Variants in CLIC5 observed in about 807,000 individuals in gnomAD.
CLIC5 encodes chloride intracellular channel protein 5.
CLIC5 carries 20 observed loss-of-function variants against 24.7 expected under a neutral mutation model. The observed-to-expected ratio is 0.81, with a 90% CI of 0.57 to 1.18. The LOEUF (loss-of-function observed/expected upper bound fraction) is 1.18, where lower values mean the gene tolerates loss of function less well. Among genes scored for constraint, CLIC5 ranks in the 50% most tolerant of loss-of-function variants. The pLI, the probability that CLIC5 is intolerant of heterozygous loss-of-function variation, is 0.00. For synonymous variants in CLIC5, 159 were observed against 135.6 expected (o/e 1.17, Z -1.20); for missense variants, 341 against 326.1 (o/e 1.05, Z -0.35).
intron 1 of CLIC5, among the ~76,000 whole-genome samples, chr6:45,979,154 T>C (rs1248328607): frequency 6.6e-6 from 1 of 152,166 alleles, no homozygotes; most frequent in Non-Finnish European, 1.5e-5. Flanking sequence ...CTCTGAGCTT[T>C]GTTTTCCTTA....
At chr6:46,094,014 C>A in the CLIC5 span, among the ~76,000 whole-genome samples, 1 of 152,184 alleles carries the variant, frequency 6.6e-6, no homozygotes, top group African/African-American at 2.4e-5. Flanking sequence ...CAGAAGGCAA[C>A]GCAGGAGCAG....
At chr6:46,012,152 T>C (rs925362670) in intron 1 of CLIC5, among the ~76,000 whole-genome samples, 3 of 152,254 alleles carry the variant, frequency 2.0e-5, no homozygotes, top group African/African-American at 7.2e-5. Flanking sequence ...ATTATTGATA[T>C]CATTCCCTTT....
chr6:45,989,527 C>A (rs1001575550), intron 1 of CLIC5, among the ~76,000 whole-genome samples: 1 of 152,148 alleles, frequency 6.6e-6, no homozygotes, highest in African/African-American at 2.4e-5. Flanking sequence ...CCAGTATCTC[C>A]AGTGCTGCCC....
chr6:46,059,670 A>T (rs905047615), intron 1 of CLIC5, among the ~76,000 whole-genome samples: 3 of 152,200 alleles, frequency 2.0e-5, no homozygotes, highest in Non-Finnish European at 4.4e-5. Context: ...TTAGATGAGG[A>T]AAAGAAGGCT....
intron 1 of CLIC5, among the ~76,000 whole-genome samples, chr6:46,026,856 G>A (rs776786595): frequency 6.6e-6 from 1 of 151,980 alleles, no homozygotes; most frequent in Non-Finnish European, 1.5e-5. Flanking sequence ...AAAGCTAACA[G>A]CATTGAGAAA....
At chr6:45,908,044 G>C (rs1479906527) in intron 5 of CLIC5, among the ~76,000 whole-genome samples, 1 of 152,122 alleles carries the variant, frequency 6.6e-6, no homozygotes, top group Non-Finnish European at 1.5e-5. Flanking sequence ...AGATTTTCTA[G>C]TTTGTGTGCA....
chr6:45,994,800 T>A (rs1320847748), intron 1 of CLIC5, among the ~76,000 whole-genome samples: 2 of 152,092 alleles, frequency 1.3e-5, no homozygotes, highest in African/African-American at 4.8e-5. Flanking sequence ...CTGCTGAAGC[T>A]TCCTTGACAC....
the CLIC5 span, among the ~76,000 whole-genome samples, chr6:46,092,325 G>A: frequency 6.6e-6 from 1 of 152,220 alleles, no homozygotes; most frequent in Admixed American, 6.5e-5. Flanking sequence ...AGACTTGCTA[G>A]AGAAACAAGA....
At chr6:46,089,826 T>A in the CLIC5 span, among the ~76,000 whole-genome samples, 2 of 152,256 alleles carry the variant, frequency 1.3e-5, no homozygotes, top group South Asian at 4.1e-4. Flanking sequence ...TTCTGCTTTG[T>A]ATTCCATTTA....
intron 1 of CLIC5, among the ~76,000 whole-genome samples, chr6:46,031,428 G>T (rs1334540284): frequency 6.6e-6 from 1 of 152,114 alleles, no homozygotes; most frequent in African/African-American, 2.4e-5. Context: ...TATATGAAAA[G>T]GCATCCTACT....
downstream of CLIC5, among the ~76,000 whole-genome samples, chr6:45,895,867 T>G (rs1042038897): frequency 6.6e-5 from 10 of 152,180 alleles, no homozygotes; most frequent in Non-Finnish European, 1.3e-4. Flanking sequence ...ATTATGGCAT[T>G]TGTATTATGC....
chr6:45,959,335 C>T (rs1022951273), intron 1 of CLIC5, among the ~76,000 whole-genome samples: 1 of 152,092 alleles, frequency 6.6e-6, no homozygotes, highest in Admixed American at 6.5e-5. Flanking sequence ...TAGAAAAATG[C>T]TATAATAAAT....
intron 1 of CLIC5, among the ~76,000 whole-genome samples, chr6:46,055,534 G>A (rs1291985120): frequency 6.6e-6 from 1 of 152,246 alleles, no homozygotes; most frequent in East Asian, 1.9e-4. Flanking sequence ...CACCGCGCCA[G>A]GCCATCAGTA....
At chr6:46,060,264 A>G (rs1187016368) in intron 1 of CLIC5, among the ~76,000 whole-genome samples, 1 of 152,192 alleles carries the variant, frequency 6.6e-6, no homozygotes, top group Non-Finnish European at 1.5e-5. Flanking sequence ...TGATTATGCA[A>G]GTTGGTTTGC....
Position 46,011,337 on chromosome 6 carries a change from T to C in CLIC5, c.63+4143A>G, listed in dbSNP as rs562334248. ...TTTAATCAGCATTAGCAAGGCCACC[T>C]ATGTCAGCGGTGGCAGAAGCTGCCT... is the stretch of plus-strand genomic sequence containing the variant. On this transcript the variant is annotated intron_variant, in intron 1 of 5. Transcript: ENST00000339561. Among the ~76,000 whole-genome samples the C allele has an allele frequency of 8.5e-5, 13 of 152,350 alleles. No individual in the cohort carries two copies. In the South Asian group the frequency reaches 2.5e-3, roughly 29 times the overall value.
downstream of CLIC5, among the ~76,000 whole-genome samples, chr6:45,894,029 A>G (rs559598192): frequency 2.8e-4 from 42 of 152,362 alleles, no homozygotes; most frequent in Middle Eastern, 3.4e-3. Flanking sequence ...GCTAAGTTAC[A>G]GGGGATGAAA....
intron 1 of CLIC5, among the ~76,000 whole-genome samples, chr6:46,013,634 T>C (rs73448967): frequency 0.052 from 7,949 of 152,214 alleles, 292 homozygotes; most frequent in Middle Eastern, 0.099. Flanking sequence ...CGCTGCAAAT[T>C]GTGCAGTAAG....
At chr6:45,978,685 A>G (rs1193201491) in intron 1 of CLIC5, among the ~76,000 whole-genome samples, 2 of 152,196 alleles carry the variant, frequency 1.3e-5, no homozygotes, top group Admixed American at 6.5e-5. Context: ...GGCTGGGCGC[A>G]GTGGCTCATG....
chr6:46,007,900 G>A (rs1182463037), intron 1 of CLIC5, among the ~76,000 whole-genome samples: 1 of 142,936 alleles, frequency 7.0e-6, no homozygotes, highest in Non-Finnish European at 1.5e-5. Context: ...GTTTTTTCCT[G>A]TTTTTTTTCT....
Sources: gnomAD v4.1 joint callset for allele counts (sites outside exome capture counted in the v4.1 genomes callset) on GRCh38, gnomAD v4.1.1 for gene constraint, MANE v1.5 for transcripts, NCBI Gene and HGNC (gene_info 2026-07-23, HGNC 2026-07-21) for gene names.